Variants in ENTPD1 observed in about 807,000 individuals in gnomAD.
ENTPD1 encodes the protein ectonucleoside triphosphate diphosphohydrolase 1.
Under a neutral mutation model 57.0 loss-of-function variants are expected in ENTPD1, and 33 were observed. The observed-to-expected ratio is 0.58, with a 90% confidence interval of 0.44 to 0.77. The LOEUF is 0.77. Ranked by LOEUF, ENTPD1 falls within the 30% of genes least tolerant of loss-of-function variation. The probability of loss-of-function intolerance (pLI) is 0.00; values close to 1 mark genes in which losing one functional copy is unlikely to be tolerated. For synonymous variants in ENTPD1, 202 were observed against 218.8 expected, an observed-to-expected ratio of 0.92 and a Z score of 0.68; for missense variants, 501 against 603.4, an observed-to-expected ratio of 0.83 and a Z score of 1.78.
intron 1 of ENTPD1, among the ~76,000 whole-genome samples, chr10:95,731,788 T>TTTTTTTTTTTTTTTTTTTTTTTTG (rs2097989497): frequency 7.4e-6 from 1 of 135,304 alleles, no homozygotes; most frequent in Non-Finnish European, 1.6e-5. Context: ...ATCCTTTTTT[T>TTTTTTTTTTTTTTTTTTTTTTTTG]TTTTTTTTTT....
At chr10:95,703,680 G>A in the ENTPD1 span, among the ~76,000 whole-genome samples, 1 of 151,644 alleles carries the variant, frequency 6.6e-6, no homozygotes, top group Non-Finnish European at 1.5e-5. Context: ...CACTCGGGAG[G>A]CTGAGGCAGG....
chr10:95,725,424 A>C (rs1399559199), intron 1 of ENTPD1, among the ~76,000 whole-genome samples: 1 of 152,100 alleles, frequency 6.6e-6, no homozygotes, highest in African/African-American at 2.4e-5. Context: ...TTTTAATTAA[A>C]TACTGGACAT....
At chr10:95,718,234 C>T (rs1009399018) in intron 1 of ENTPD1, among the ~76,000 whole-genome samples, 17 of 152,076 alleles carry the variant, frequency 1.1e-4, no homozygotes, top group African/African-American at 3.6e-4. Flanking sequence ...TTTCCTTCTT[C>T]GGTGGCTAGC....
intron 1 of ENTPD1, among the ~76,000 whole-genome samples, chr10:95,724,426 G>T (rs1226347765): frequency 6.6e-6 from 1 of 152,130 alleles, no homozygotes; most frequent in Non-Finnish European, 1.5e-5. Flanking sequence ...TTTCCAAGAT[G>T]GCGGCAAGCC....
intron 1 of ENTPD1, among the ~76,000 whole-genome samples, chr10:95,763,698 G>A (rs1353777269): frequency 8.2e-6 from 1 of 121,740 alleles, no homozygotes; most frequent in Admixed American, 9.0e-5. Context: ...GAATAAATGT[G>A]TCTTGTTTTA....
chr10:95,702,230 A>AAT, the ENTPD1 span, among the ~76,000 whole-genome samples: 1 of 152,022 alleles, frequency 6.6e-6, no homozygotes, highest in African/African-American at 2.4e-5. Context: ...ATAGACTTAA[A>AAT]ATATATATAT....
intron 1 of ENTPD1, among the ~76,000 whole-genome samples, chr10:95,800,497 A>G (rs961250990): frequency 6.6e-6 from 1 of 152,204 alleles, no homozygotes; most frequent in African/African-American, 2.4e-5. Flanking sequence ...CAGTATGACT[A>G]GAATTTACCA....
At chr10:95,850,632 C>T (rs2098443409) in intron 7 of ENTPD1, among the ~76,000 whole-genome samples, 1 of 152,184 alleles carries the variant, frequency 6.6e-6, no homozygotes. Context: ...TTTTAAGAAT[C>T]AGCTCTTGTG....
intron 1 of ENTPD1, among the ~76,000 whole-genome samples, chr10:95,771,889 A>C: frequency 6.6e-6 from 1 of 152,104 alleles, no homozygotes; most frequent in Non-Finnish European, 1.5e-5. Flanking sequence ...TTTTCTCTCT[A>C]AAATCTTACT....
the ENTPD1 span, among the ~76,000 whole-genome samples, chr10:95,703,900 G>C: frequency 6.6e-6 from 1 of 151,536 alleles, no homozygotes; most frequent in Non-Finnish European, 1.5e-5. Context: ...TGACCAGCCT[G>C]GACAACATGG....
chr10:95,751,618 G>A (rs189851986), upstream of ENTPD1, among the ~76,000 whole-genome samples: 120 of 152,164 alleles, frequency 7.9e-4, no homozygotes, highest in Non-Finnish European at 1.4e-3. Flanking sequence ...AGGAGGTGGA[G>A]GCACAAGAAT....
chr10:95,871,303 C>A lies in ENTPD1; in HGVS notation c.*4920C>A, dbSNP rs2098480141. 3.0e-6 allele frequency: 3 copies of A among 984,846 alleles called. No homozygotes were observed. The highest frequency in any genetic ancestry group is 3.6e-6 in the Non-Finnish European group (3 of 829,390). 61.0% of individuals were successfully genotyped at this position (984,846 alleles called of 1,614,324 possible). ...TGTAAAATATAATCTGTTTATCTCACCAAAGAAATATTATCTTTAAAAAAT... is the reference window on the plus strand; with the variant it reads ...TGTAAAATATAATCTGTTTATCTCAACAAAGAAATATTATCTTTAAAAAAT... On this transcript the variant is annotated 3_prime_UTR_variant, in exon 10 of 10. Transcript: ENST00000371205.
the ENTPD1 span, among the ~76,000 whole-genome samples, chr10:95,696,580 T>C: frequency 0.028 from 4,265 of 152,286 alleles, 183 homozygotes; most frequent in African/African-American, 0.093. Flanking sequence ...GTGCCTGGCA[T>C]GTATTGCTGT....
chr10:95,774,681 C>T (rs2098127208), intron 1 of ENTPD1, among the ~76,000 whole-genome samples: 1 of 152,062 alleles, frequency 6.6e-6, no homozygotes. Context: ...TTGTGTTCCA[C>T]TGGTCTATCT....
Position 95,756,222 on chromosome 10 carries a change from A to G in ENTPD1, c.-18A>G. The G allele has an allele frequency of 1.9e-6, 3 of 1,594,716 alleles. No individual in the cohort carries two copies. The highest frequency in any genetic ancestry group is 2.6e-6 in the Non-Finnish European group (3 of 1,169,846). On this transcript the variant is annotated 5_prime_UTR_variant, in exon 1 of 10. Transcript: ENST00000371205. ...GGGGAAAGACGAGGAAAGAGGAGGA[A>G]AACAAAAGCTGCTACTTATGGAAGA...
At chr10:95,787,645 A>C (rs1272184946) in intron 1 of ENTPD1, among the ~76,000 whole-genome samples, 1 of 152,168 alleles carries the variant, frequency 6.6e-6, no homozygotes, top group Non-Finnish European at 1.5e-5. Flanking sequence ...GGACAGAAGC[A>C]ATGTAGACTG....
intron 1 of ENTPD1, among the ~76,000 whole-genome samples, chr10:95,716,760 ACTT>A (rs1292953623): frequency 6.6e-6 from 1 of 152,214 alleles, no homozygotes; most frequent in Non-Finnish European, 1.5e-5. Context: ...AGCTAAATAA[ACTT>A]CTTTTTAAAA....
rs1031260413 is a variant in ENTPD1 at position 95,876,837 on chromosome 10, G to C, written c.*10454G>C. 1.3e-5 allele frequency among the ~76,000 whole-genome samples: 2 copies of C among 152,200 alleles called. No individual in the cohort carries two copies. The highest frequency in any genetic ancestry group is 2.9e-5 in the Non-Finnish European group (2 of 68,042). On this transcript the variant is annotated 3_prime_UTR_variant, in exon 10 of 10. Coordinates refer to ENST00000371205, the MANE Select transcript of ENTPD1 (RefSeq NM_001776.6). The stretch of plus-strand genomic sequence containing the variant: ...ACAATCACAAATGAAACAAGATTCA[G>C]ACTTCATGAAGAGCACTGCGCTATA...
chr10:95,700,943 C>T, the ENTPD1 span, among the ~76,000 whole-genome samples: 1 of 152,040 alleles, frequency 6.6e-6, no homozygotes, highest in African/African-American at 2.4e-5. Flanking sequence ...TAGGTGCCCA[C>T]CACCACGCCT....
Sources: gnomAD v4.1 joint callset for allele counts (sites outside exome capture counted in the v4.1 genomes callset) on GRCh38, gnomAD v4.1.1 for gene constraint, MANE v1.5 for transcripts, NCBI Gene and HGNC (gene_info 2026-07-23, HGNC 2026-07-21) for gene names.